Variants in AK4 observed in about 807,000 individuals in gnomAD.
AK4 encodes the protein adenylate kinase 4, mitochondrial.
In AK4, 13 loss-of-function variants were observed where a neutral mutation model predicts 24.6. The ratio of observed to expected loss-of-function variants is 0.53; its 90% CI spans 0.34 to 0.84. AK4 has a LOEUF of 0.84. Ranked by LOEUF, AK4 falls within the 40% of genes least tolerant of loss-of-function variation. The pLI is 0.01. For missense variants in AK4, 192 were observed against 288.2 expected, an observed-to-expected ratio of 0.67 and a Z score of 2.42; for synonymous variants, 88 against 107.0, an observed-to-expected ratio of 0.82 and a Z score of 1.10.
intron 2 of AK4, among the ~76,000 whole-genome samples, chr1:65,191,888 A>G (rs1317015693): frequency 6.6e-6 from 1 of 152,176 alleles, no homozygotes; most frequent in Admixed American, 6.5e-5. Flanking sequence ...AATTTAAGCA[A>G]TAATAGCAGT....
upstream of AK4, chr1:65,147,764 G>C (rs943925095): frequency 6.6e-6 from 1 of 152,382 alleles, no homozygotes; most frequent in Non-Finnish European, 1.5e-5. Context: ...CCGGGCGGAG[G>C]TGGGCCCCTC....
chr1:65,166,278 TTGAA>T (rs1407109000), intron 1 of AK4, among the ~76,000 whole-genome samples: 1 of 151,558 alleles, frequency 6.6e-6, no homozygotes. Context: ...ATGTGGTGCT[TTGAA>T]TGGAAGCACA....
At chr1:65,160,407 G>T (rs1650121483) in intron 1 of AK4, among the ~76,000 whole-genome samples, 1 of 152,098 alleles carries the variant, frequency 6.6e-6, no homozygotes, top group East Asian at 1.9e-4. Flanking sequence ...AGGGCTAAAG[G>T]CCACATTAAG....
At chr1:65,164,387 C>T (rs1249843223) in intron 1 of AK4, among the ~76,000 whole-genome samples, 1 of 152,162 alleles carries the variant, frequency 6.6e-6, no homozygotes, top group Non-Finnish European at 1.5e-5. Flanking sequence ...GAGTCCTTCT[C>T]AGGTCATATT....
At chr1:65,152,382 ATATTTTTTTTTTTTTTTT>A (rs1649824550) in intron 1 of AK4, among the ~76,000 whole-genome samples, 15 of 26,736 alleles carry the variant, frequency 5.6e-4, no homozygotes, top group Non-Finnish European at 6.8e-4. Flanking sequence ...ATATATATAT[ATATTTTTTTTTTTTTTTT>A]TTTTTTTTTT....
chr1:65,209,455 C>T (rs959796930), intron 2 of AK4, among the ~76,000 whole-genome samples: 6 of 152,168 alleles, frequency 3.9e-5, no homozygotes, highest in African/African-American at 1.4e-4. Context: ...ATTATAAATG[C>T]TGCCACCTGT....
intron 1 of AK4, among the ~76,000 whole-genome samples, chr1:65,175,774 A>G (rs1650693472): frequency 6.6e-6 from 1 of 152,146 alleles, no homozygotes; most frequent in Non-Finnish European, 1.5e-5. Context: ...AGACGGTTAA[A>G]CATTCTGGGT....
At position 65,226,154 on chromosome 1, in the gene AK4, A is replaced by G. The variant is rs201234545; in HGVS notation, c.649A>G (p.Ile217Val). The G allele has an allele frequency of 6.8e-6, 11 of 1,609,992 alleles. No homozygotes were observed. In the East Asian group the frequency reaches 1.3e-4, roughly 20 times the overall value. Residue 217 changes from isoleucine (I) to valine (V), a missense_variant, in exon 5 of 5, where the codon ATT (isoleucine) becomes GTT (valine). Ile to Val is a conservative substitution (Grantham distance 29, BLOSUM62 3). Coordinates refer to ENST00000327299, the MANE Select transcript of AK4 (RefSeq NM_013410.4). ...YTLFSNKITP[I>V]QSKEAY The stretch of plus-strand genomic sequence containing the variant: ...ACTTTTCTCAAACAAGATCACACCT[A>G]TTCAGTCCAAAGAAGCATATTGACC...
chr1:65,172,886 G>A (rs904121769), intron 1 of AK4, among the ~76,000 whole-genome samples: 6 of 103,794 alleles, frequency 5.8e-5, no homozygotes. Context: ...TTTTTGATAC[G>A]AACTCTCGCT....
At chr1:65,214,413 T>G (rs905726648) in intron 2 of AK4, among the ~76,000 whole-genome samples, 1 of 152,120 alleles carries the variant, frequency 6.6e-6, no homozygotes, top group Non-Finnish European at 1.5e-5. Context: ...GCCCGGCCCC[T>G]TGTTTCATAT....
At chr1:65,203,641 T>A (rs1394032800) in intron 2 of AK4, among the ~76,000 whole-genome samples, 11 of 152,016 alleles carry the variant, frequency 7.2e-5, no homozygotes, top group Admixed American at 7.2e-4. Flanking sequence ...CCATCTCTAC[T>A]AAAAATACAA....
At chr1:65,160,850 T>G (rs1650135813) in intron 1 of AK4, among the ~76,000 whole-genome samples, 1 of 152,114 alleles carries the variant, frequency 6.6e-6, no homozygotes, top group Non-Finnish European at 1.5e-5. Flanking sequence ...CTGCATCGGC[T>G]TCTCAAAATG....
intron 3 of AK4, among the ~76,000 whole-genome samples, chr1:65,222,108 C>A (rs574986851): frequency 6.6e-6 from 1 of 152,268 alleles, no homozygotes; most frequent in African/African-American, 2.4e-5. Context: ...GAGATGGTGT[C>A]TGATTTACAT....
At chr1:65,150,084 C>T (rs568040008) in intron 1 of AK4, among the ~76,000 whole-genome samples, 3 of 152,204 alleles carry the variant, frequency 2.0e-5, no homozygotes, top group Non-Finnish European at 4.4e-5. Flanking sequence ...GAGCCCATTC[C>T]ATAATTCTCT....
At chr1:65,200,647 G>A (rs575353708) in intron 2 of AK4, among the ~76,000 whole-genome samples, 5 of 152,268 alleles carry the variant, frequency 3.3e-5, no homozygotes, top group African/African-American at 7.2e-5. Flanking sequence ...CCAGGTGATC[G>A]CATGCATTTC....
intron 2 of AK4, among the ~76,000 whole-genome samples, chr1:65,211,070 A>C (rs1651957517): frequency 6.6e-6 from 1 of 152,026 alleles, no homozygotes; most frequent in South Asian, 2.1e-4. Context: ...CCATTAGGGG[A>C]TTGGTTAAAT....
intron 1 of AK4, among the ~76,000 whole-genome samples, chr1:65,167,253 T>TAG (rs1650362734): frequency 6.6e-6 from 1 of 152,230 alleles, no homozygotes. Context: ...TGCTGATATA[T>TAG]CTGATTCAAC....
intron 1 of AK4, among the ~76,000 whole-genome samples, chr1:65,178,104 C>T (rs1240133135): frequency 6.6e-6 from 1 of 151,986 alleles, no homozygotes; most frequent in East Asian, 1.9e-4. Flanking sequence ...TTGTAGGGTC[C>T]TGTGGATGGG....
rs1652629513 is a variant in AK4, at chr1:65,231,064, A to G, written c.*4887A>G. 1 of 152,190 alleles carries G rather than the reference A, an allele frequency of 6.6e-6. No homozygotes were observed. Among genetic ancestry groups the G allele is most frequent in the South Asian group, 2.1e-4 (1 of 4,830 alleles). 9.4% of individuals were successfully genotyped at this position (152,190 alleles called of 1,614,324 possible). A position where few individuals can be genotyped will look rare whatever the true frequency, so the allele number is the denominator to read the frequency against. On this transcript the variant is annotated 3_prime_UTR_variant, in exon 5 of 5. Coordinates refer to ENST00000327299, the MANE Select transcript of AK4 (RefSeq NM_013410.4). The stretch of plus-strand genomic sequence containing the variant: ...TTTAAAAAAAATAACCTAGTAATAA[A>G]GACTTCTTTTAATGTGGAAATGTGG...
Sources: gnomAD v4.1 joint callset for allele counts (sites outside exome capture counted in the v4.1 genomes callset) on GRCh38, gnomAD v4.1.1 for gene constraint, MANE v1.5 for transcripts, NCBI Gene and HGNC (gene_info 2026-07-23, HGNC 2026-07-21) for gene names.